The following PPP1R14C variants were observed in gnomAD, a reference collection of about 807,000 sequenced individuals.
PPP1R14C encodes the protein protein phosphatase 1 regulatory inhibitor subunit 14C.
PPP1R14C carries 16 observed loss-of-function variants against 20.4 expected under a neutral mutation model. The observed-to-expected ratio is 0.78, with a 90% confidence interval of 0.53 to 1.19. The LOEUF (loss-of-function observed/expected upper bound fraction) is 1.19. PPP1R14C is among the 50% of genes most tolerant of loss of function. The pLI is 0.00. For synonymous variants in PPP1R14C, 91 were observed against 91.0 expected, an observed-to-expected ratio of 1.00 and a Z score of 0.00; for missense variants, 211 against 220.1, an observed-to-expected ratio of 0.96 and a Z score of 0.26.
intron 1 of PPP1R14C, among the ~76,000 whole-genome samples, chr6:150,199,230 A>G (rs1777847242): frequency 6.6e-6 from 1 of 152,164 alleles, no homozygotes; most frequent in Non-Finnish European, 1.5e-5. Context: ...TATGAATGTG[A>G]ATCATAACTT....
rs1216199827 is a variant in PPP1R14C at position 150,143,591 on chromosome 6, A to C, written c.306+93A>C. The C allele has an allele frequency of 6.4e-6, 6 of 935,450 alleles. No individual in the cohort carries two copies. The East Asian group carries it at 1.6e-4, about 25-fold the overall frequency. The allele number at this position is 935,450 out of a possible 1,614,324, so 57.9% of individuals were successfully genotyped here. A position where few individuals can be genotyped will look rare whatever the true frequency, so the allele number is the denominator to read the frequency against. ...CCCGGGCTCCAGCTCCGGGGCGCGC[A>C]TGTCCCTGACTCCCGGGGACCAAGT... On this transcript the variant is annotated intron_variant, in intron 1 of 3. Coordinates refer to ENST00000361131, the MANE Select transcript of PPP1R14C (RefSeq NM_030949.3). This position sits in a 1 kb window ranked among gnomAD's most constrained non-coding sequence, Gnocchi z 5.6.
intron 3 of PPP1R14C, among the ~76,000 whole-genome samples, chr6:150,246,057 T>C (rs766860391): frequency 3.9e-5 from 6 of 152,218 alleles, no homozygotes; most frequent in Non-Finnish European, 8.8e-5. Flanking sequence ...AACTTTTTAA[T>C]CTCTGAAATT....
intron 1 of PPP1R14C, among the ~76,000 whole-genome samples, chr6:150,176,409 A>C (rs1419662469): frequency 1.3e-5 from 2 of 152,170 alleles, no homozygotes; most frequent in Non-Finnish European, 2.9e-5. Context: ...CTTCCAGTCA[A>C]TGCCTTTAGG....
intron 1 of PPP1R14C, among the ~76,000 whole-genome samples, chr6:150,177,557 G>T (rs147137100): frequency 1.3e-5 from 2 of 152,170 alleles, no homozygotes; most frequent in Non-Finnish European, 2.9e-5. Flanking sequence ...TAGCCTTACT[G>T]TTCCTTTCCC....
rs1310519159 is a variant in PPP1R14C at position 150,201,590 on chromosome 6, G to A, written c.307-13154G>A. 6.6e-6 allele frequency among the ~76,000 whole-genome samples: 1 copy of A among 152,176 alleles called. No individual in the cohort carries two copies. The highest frequency in any genetic ancestry group is 2.4e-5 in the African/African-American group (1 of 41,440). ...AAGCCTTCCAGGCAGAGGTAAGACT[G>A]TTGGTCCTAAGACTGGTAGGAAGCC... On this transcript the variant is annotated intron_variant, in intron 1 of 3. Transcript: ENST00000361131. This position sits in a 1 kb window ranked among gnomAD's most constrained non-coding sequence, Gnocchi z 4.2.
intron 1 of PPP1R14C, among the ~76,000 whole-genome samples, chr6:150,184,544 AC>A (rs1554218903): frequency 6.9e-6 from 1 of 145,448 alleles, no homozygotes; most frequent in Non-Finnish European, 1.5e-5. Flanking sequence ...CCCCTCCCCC[AC>A]CCCATCCTCT....
chr6:150,206,555 A>G (rs1777953527), intron 1 of PPP1R14C, among the ~76,000 whole-genome samples: 1 of 152,168 alleles, frequency 6.6e-6, no homozygotes. Flanking sequence ...TTGATTTGTG[A>G]GACAATGCCA....
At chr6:150,209,053 T>A (rs1353969465) in intron 1 of PPP1R14C, among the ~76,000 whole-genome samples, 13 of 152,224 alleles carry the variant, frequency 8.5e-5, no homozygotes, top group Non-Finnish European at 1.9e-4. Flanking sequence ...ATTGTTCAGA[T>A]GAGTGTTTGA....
intron 1 of PPP1R14C, among the ~76,000 whole-genome samples, chr6:150,184,461 A>G (rs1777655208): frequency 6.6e-6 from 1 of 152,166 alleles, no homozygotes; most frequent in Non-Finnish European, 1.5e-5. Flanking sequence ...TAGATTGTGT[A>G]AGTTCACTCT....
At chr6:150,169,391 T>C (rs1463238633) in intron 1 of PPP1R14C, among the ~76,000 whole-genome samples, 2 of 152,052 alleles carry the variant, frequency 1.3e-5, no homozygotes, top group Non-Finnish European at 2.9e-5. Flanking sequence ...GGAAAAAAAA[T>C]TAAAAATAGA....
chr6:150,237,843 T>C (rs1201015523), intron 3 of PPP1R14C, among the ~76,000 whole-genome samples: 1 of 152,152 alleles, frequency 6.6e-6, no homozygotes, highest in Non-Finnish European at 1.5e-5. Context: ...TCTTACCATG[T>C]GTGGTATGTA....
intron 1 of PPP1R14C, among the ~76,000 whole-genome samples, chr6:150,160,310 G>A (rs1777351600): frequency 7.3e-6 from 1 of 137,354 alleles, no homozygotes; most frequent in Non-Finnish European, 1.5e-5. Context: ...TGTCGCCCAG[G>A]CTGGAGTGCA....
At chr6:150,194,386 G>T (rs559079287) in intron 1 of PPP1R14C, 4 of 914,804 alleles carry the variant, frequency 4.4e-6, no homozygotes, top group African/African-American at 3.6e-5. Context: ...ATCTTTCTTT[G>T]GCAACCCCTG....
chr6:150,247,553 A>C (rs1778507412), intron 3 of PPP1R14C, among the ~76,000 whole-genome samples: 1 of 152,230 alleles, frequency 6.6e-6, no homozygotes, highest in Admixed American at 6.5e-5. Context: ...TTGTAAATGA[A>C]ATTAGAGTAG....
chr6:150,176,777 G>A (rs1229289491), intron 1 of PPP1R14C, among the ~76,000 whole-genome samples: 1 of 152,242 alleles, frequency 6.6e-6, no homozygotes, highest in African/African-American at 2.4e-5. Context: ...GTGGCTGCAG[G>A]TGTCTGGGTT....
At chr6:150,161,935 G>A (rs893625175) in intron 1 of PPP1R14C, among the ~76,000 whole-genome samples, 1 of 152,128 alleles carries the variant, frequency 6.6e-6, no homozygotes, top group African/African-American at 2.4e-5. Flanking sequence ...CAGTCCTATG[G>A]ACTTTAACAA....
chr6:150,170,978 A>G (rs1375038455), intron 1 of PPP1R14C, among the ~76,000 whole-genome samples: 1 of 152,030 alleles, frequency 6.6e-6, no homozygotes, highest in Non-Finnish European at 1.5e-5. Flanking sequence ...AATTGAGAGG[A>G]AGGTACCTTT....
At chr6:150,161,416 C>T (rs577902050) in intron 1 of PPP1R14C, among the ~76,000 whole-genome samples, 9 of 152,264 alleles carry the variant, frequency 5.9e-5, no homozygotes, top group Non-Finnish European at 8.8e-5. Context: ...TTCTTATTGG[C>T]GTATACATAT....
At chr6:150,226,811 C>T (rs539081437) in intron 3 of PPP1R14C, among the ~76,000 whole-genome samples, 2 of 152,114 alleles carry the variant, frequency 1.3e-5, no homozygotes, top group Admixed American at 1.3e-4. Flanking sequence ...TCCAGGATAA[C>T]TAAGTCCGAG....
Sources: gnomAD v4.1 joint callset for allele counts (sites outside exome capture counted in the v4.1 genomes callset) on GRCh38, gnomAD v4.1.1 for gene constraint, Gnocchi (gnomAD v3.1) non-coding constraint, MANE v1.5 for transcripts, NCBI Gene and HGNC (gene_info 2026-07-23, HGNC 2026-07-21) for gene names.